The following CHD5 variants were observed in gnomAD, a reference collection of about 807,000 sequenced individuals.
CHD5 encodes the protein chromodomain helicase DNA binding protein 5.
A neutral mutation model predicts 230.3 loss-of-function variants in CHD5; 69 were observed. The ratio of observed to expected loss-of-function variants is 0.30; its 90% CI spans 0.25 to 0.37. The LOEUF (loss-of-function observed/expected upper bound fraction) is 0.37, where lower values mean the gene tolerates loss of function less well. Ranked by LOEUF, CHD5 falls within the 10% of genes least tolerant of loss-of-function variation. The pLI is 1.00. For missense variants in CHD5, 1,827 were observed against 2,622.8 expected, an observed-to-expected ratio of 0.70 and a Z score of 6.63; for synonymous variants, 1,064 against 1,065.9, an observed-to-expected ratio of 1.00 and a Z score of 0.03.
rs912695127 is a variant in CHD5 at position 6,105,824 on chromosome 1, G to C, written c.*47-397C>G. On this transcript the variant is annotated intron_variant, in intron 41 of 41. Coordinates refer to ENST00000262450, the MANE Select transcript of CHD5 (RefSeq NM_015557.3). This position sits in a 1 kb window ranked among gnomAD's most constrained non-coding sequence, Gnocchi z 4.8. ...ACCCTCAGCCACCCTCCTGGTCCTG[G>C]GCAGGAAGTGAGGGTGTAAGACAAG... is the stretch of plus-strand genomic sequence containing the variant. Among the ~76,000 whole-genome samples, 2 of 152,238 alleles carry C rather than the reference G, an allele frequency of 1.3e-5. No individual in the cohort carries two copies. Among genetic ancestry groups the C allele is most frequent in the African/African-American group, 2.4e-5 (1 of 41,452 alleles).
Position 6,154,724 on chromosome 1 carries a change from G to A in CHD5, c.681C>T (p.Ala227=), listed in dbSNP as rs893947566. The A allele has an allele frequency of 1.5e-5, 24 of 1,608,644 alleles. No homozygotes were observed. Among genetic ancestry groups the A allele is most frequent in the Admixed American group, 3.3e-5 (2 of 59,712 alleles). The change falls in exon 5 of 42, where the codon GCC becomes GCT. Residue 227 remains alanine, a synonymous_variant. Transcript: ENST00000262450. The surrounding 1 kb of genome is among the most constrained non-coding windows in gnomAD (Gnocchi z 7.0). ...GCTGGGGCACCTGCGGGGGGCTGAC[G>A]GCTAGCGGAGGGGAGATGGTGACCG... ...VETVTISPPL[A]VSPPQVPQPV... is the part of the protein sequence containing the mutation.
At chr1:6,160,177 G>A (rs1321405637) in intron 2 of CHD5, among the ~76,000 whole-genome samples, 32 of 89,858 alleles carry the variant, frequency 3.6e-4, no homozygotes, top group Admixed American at 6.5e-4. Context: ...CCCCAGCCAG[G>A]GAAGGGCCCC....
intron 35 of CHD5, 95 bp from the exon 36 acceptor site, chr1:6,111,978 C>G: frequency 7.2e-7 from 1 of 1,388,052 alleles, no homozygotes; most frequent in Non-Finnish European, 1.0e-6. Context: ...TTGCCACTGC[C>G]TCCACCCCCA....
chr1:6,148,809 T>C lies in CHD5; in HGVS notation c.1383+45A>G, dbSNP rs373220474. 18 of 1,115,668 alleles carry C rather than the reference T, an allele frequency of 1.6e-5. No homozygotes were observed. The African/African-American group carries it at 5.0e-4, about 31-fold the overall frequency. The allele number at this position is 1,115,668 out of a possible 1,614,324, so 69.1% of individuals were successfully genotyped here. On this transcript the variant is annotated intron_variant, in intron 9 of 41. Transcript: ENST00000262450. ...TTCCCCTGGGGGCGGGGCCTGTTCCTGGGGTGGGGCGGGGCGTCCGGCGCG... is the reference window on the plus strand; with the variant it reads ...TTCCCCTGGGGGCGGGGCCTGTTCCCGGGGTGGGGCGGGGCGTCCGGCGCG...
chr1:6,149,769 T>TGATG (rs547823553), intron 7 of CHD5, among the ~76,000 whole-genome samples: 46 of 145,546 alleles, frequency 3.2e-4, no homozygotes, highest in African/African-American at 9.9e-4. Context: ...ATGGGTGGAC[T>TGATG]GATGGATGGA....
intron 2 of CHD5, 42 bp downstream of exon 2, chr1:6,168,108 C>A: frequency 6.4e-7 from 1 of 1,568,694 alleles, no homozygotes. Context: ...CAGCCACAAC[C>A]CCACCCGCCC....
Position 6,134,614 on chromosome 1 carries a change from G to T in CHD5, c.3012+104C>A. 8.1e-7 allele frequency: 1 copy of T among 1,239,762 alleles called. No individual in the cohort carries two copies. Among genetic ancestry groups the T allele is most frequent in the Non-Finnish European group, 1.2e-6 (1 of 853,624 alleles). 76.8% of individuals were successfully genotyped at this position (1,239,762 alleles called of 1,614,324 possible). On this transcript the variant is annotated intron_variant, in intron 19 of 41. Coordinates refer to ENST00000262450, the MANE Select transcript of CHD5 (RefSeq NM_015557.3). This position sits in a 1 kb window ranked among gnomAD's most constrained non-coding sequence, Gnocchi z 6.3. ...GACAGCCACAGAAATCGCCACAATG[G>T]CCAGGAGAACCTATCACAGCGGCCA...
chr1:6,111,247 A>T (rs1314200548), intron 36 of CHD5, among the ~76,000 whole-genome samples: 1 of 145,772 alleles, frequency 6.9e-6, no homozygotes, highest in Non-Finnish European at 1.5e-5. Flanking sequence ...AAAGAAAAAG[A>T]AAAAGGCCGG....
Position 6,126,751 on chromosome 1 carries a change from G to T in CHD5, c.3904-5C>A. Reference sequence around the variant, plus strand: ...GATTTCCCGCTCCACCTCCTCCTGGGGACGCAGCACCACGGGTTCCATGGG... The same window carrying T: ...GATTTCCCGCTCCACCTCCTCCTGGTGACGCAGCACCACGGGTTCCATGGG... On this transcript the variant is annotated splice_region_variant and splice_polypyrimidine_tract_variant and intron_variant, in intron 25 of 41. Transcript: ENST00000262450. The surrounding 1 kb of genome is among the most constrained non-coding windows in gnomAD (Gnocchi z 5.7). The T allele has an allele frequency of 6.2e-7, 1 of 1,612,500 alleles. No homozygotes were observed.
At chr1:6,178,453 G>C (rs1667458502) in intron 1 of CHD5, among the ~76,000 whole-genome samples, 1 of 152,124 alleles carries the variant, frequency 6.6e-6, no homozygotes, top group Admixed American at 6.5e-5. Context: ...CAAACAACTT[G>C]CTGAGAAAAC....
chr1:6,136,991 G>A (rs1010398948), intron 15 of CHD5, 126 bp from the exon 16 acceptor site: 72 of 987,094 alleles, frequency 7.3e-5, no homozygotes, highest in Admixed American at 1.4e-4. Flanking sequence ...GCCCTGGGCC[G>A]GCCAGCCTAG....
chr1:6,148,688 ACGGGGTCTCGAGCAG>A (rs1666948864), intron 9 of CHD5, among the ~76,000 whole-genome samples, 151 bp downstream of exon 9: 2 of 152,060 alleles, frequency 1.3e-5, no homozygotes, highest in African/African-American at 4.8e-5. Context: ...GCTATTGTGG[ACGGGGTCTCGAGCAG>A]CGCGGGCGAA....
intron 1 of CHD5, among the ~76,000 whole-genome samples, chr1:6,179,557 C>A (rs1255415689): frequency 4.6e-5 from 7 of 151,424 alleles, no homozygotes; most frequent in Admixed American, 1.3e-4. Context: ...CGCACGGCGG[C>A]GGGACGCGAG....
intron 9 of CHD5, among the ~76,000 whole-genome samples, chr1:6,148,301 G>A (rs1571159912): frequency 2.0e-5 from 3 of 151,968 alleles, no homozygotes; most frequent in Admixed American, 2.0e-4. Flanking sequence ...TGTAGAAACT[G>A]AGGCTCCCGC....
At chr1:6,152,391 C>T (rs567274685) in intron 6 of CHD5, 21 bp downstream of exon 6, 68 of 1,607,118 alleles carry the variant, frequency 4.2e-5, no homozygotes, top group Middle Eastern at 1.7e-4. Flanking sequence ...CACACACACG[C>T]GCACACACGC....
rs756358294 is a variant in CHD5, at chr1:6,131,587, CA to C, written c.3262+43del. 1.2e-5 allele frequency: 15 copies of C among 1,227,884 alleles called. No homozygotes were observed. In the East Asian group the frequency reaches 2.3e-4, roughly 19 times the overall value. 76.1% of individuals were successfully genotyped at this position (1,227,884 alleles called of 1,614,324 possible). A position where few individuals can be genotyped will look rare whatever the true frequency, so the allele number is the denominator to read the frequency against. On this transcript the variant is annotated intron_variant, in intron 21 of 41. Coordinates refer to ENST00000262450, the MANE Select transcript of CHD5 (RefSeq NM_015557.3). This position sits in a 1 kb window ranked among gnomAD's most constrained non-coding sequence, Gnocchi z 5.0. Reference sequence around the variant, plus strand: ...AAGAACCAGGCCTGGGAGAAGAGGCCAAAAAGGAGTCTCAATCAGAACCCTT... The same window carrying C: ...AAGAACCAGGCCTGGGAGAAGAGGCCAAAAGGAGTCTCAATCAGAACCCTT...
chr1:6,107,536 G>GGGATGATGAAGGGATGATGGAGAGATAAA (rs1666205192), intron 38 of CHD5, among the ~76,000 whole-genome samples: 1 of 51,964 alleles, frequency 1.9e-5, no homozygotes, highest in East Asian at 2.3e-3. Flanking sequence ...GAGAGATGGA[G>GGGATGATGAAGGGATGATGGAGAGATAAA]GGATGGAGGG....
intron 8 of CHD5, 33 bp downstream of exon 8, chr1:6,149,213 C>A: frequency 6.5e-7 from 1 of 1,538,396 alleles, no homozygotes; most frequent in South Asian, 1.2e-5. Flanking sequence ...AGGCGTGGCC[C>A]CGCCCCCAGC....
intron 7 of CHD5, among the ~76,000 whole-genome samples, chr1:6,150,397 G>T (rs1666984937): frequency 6.6e-6 from 1 of 150,502 alleles, no homozygotes; most frequent in Admixed American, 6.6e-5. Flanking sequence ...TGGATGGATG[G>T]ATGGATGGAT....
Sources: allele counts gnomAD v4.1 joint callset (sites outside exome capture counted in the v4.1 genomes callset), GRCh38; gene constraint gnomAD v4.1.1; non-coding constraint Gnocchi (gnomAD v3.1); transcripts MANE v1.5; gene names NCBI Gene and HGNC (gene_info 2026-07-23, HGNC 2026-07-21).